The following CNTLN variants were observed in gnomAD, a reference collection of about 807,000 sequenced individuals.
The protein encoded by CNTLN is centlein.
In CNTLN, 212 loss-of-function variants were observed where a neutral mutation model predicts 180.0. The observed-to-expected ratio is 1.18, with a 90% CI of 1.05 to 1.32. The LOEUF (loss-of-function observed/expected upper bound fraction) is 1.32. CNTLN is among the 40% of genes most tolerant of loss of function. The pLI, the probability that CNTLN is intolerant of heterozygous loss-of-function variation, is 0.00. For missense variants in CNTLN, 2,095 were observed against 1,610.9 expected (o/e 1.30, Z -5.14); for synonymous variants, 722 against 563.1 (o/e 1.28, Z -3.99).
rs538043416 is a variant in CNTLN, at chr9:17,433,331, C to G, written c.3114+17142C>G. Among the ~76,000 whole-genome samples, 4 of 151,520 alleles carry G rather than the reference C, an allele frequency of 2.6e-5. No individual in the cohort carries two copies. In the East Asian group the frequency reaches 7.8e-4, roughly 30 times the overall value. ...ATGGAGTCTCGTTCTGTCGCCCAAG[C>G]TGGAGTGCAATGGCGCAATCTTGGC... On this transcript the variant is annotated intron_variant, in intron 18 of 25. Coordinates refer to ENST00000380647, the MANE Select transcript of CNTLN (RefSeq NM_017738.4).
At chr9:17,316,892 A>G (rs999513914) in intron 8 of CNTLN, among the ~76,000 whole-genome samples, 20 of 152,176 alleles carry the variant, frequency 1.3e-4, no homozygotes, top group African/African-American at 4.6e-4. Context: ...ATGTCAATAC[A>G]TAACATTGTT....
chr9:17,266,397 G>T (rs185859859), intron 5 of CNTLN, among the ~76,000 whole-genome samples: 1 of 152,272 alleles, frequency 6.6e-6, no homozygotes, highest in African/African-American at 2.4e-5. Flanking sequence ...ACTGTGGTCT[G>T]AGAGACAGTT....
At chr9:17,426,098 G>A (rs996066525) in intron 18 of CNTLN, among the ~76,000 whole-genome samples, 3 of 152,158 alleles carry the variant, frequency 2.0e-5, no homozygotes, top group Non-Finnish European at 2.9e-5. Flanking sequence ...AACAGAGATT[G>A]GATTATGCCA....
intron 2 of CNTLN, among the ~76,000 whole-genome samples, chr9:17,165,539 G>A (rs1373222360): frequency 1.3e-5 from 2 of 152,146 alleles, no homozygotes; most frequent in Non-Finnish European, 2.9e-5. Flanking sequence ...TTGGAGTGAA[G>A]GATGAGGCTA....
chr9:17,205,713 A>G (rs113679289), intron 2 of CNTLN, among the ~76,000 whole-genome samples: 338 of 152,342 alleles, frequency 2.2e-3, no homozygotes, highest in African/African-American at 7.8e-3. Context: ...CAATGGCAAC[A>G]AAACTAATGG....
chr9:17,501,800 G>T (rs1263694243), intron 25 of CNTLN, among the ~76,000 whole-genome samples: 1 of 152,170 alleles, frequency 6.6e-6, no homozygotes, highest in African/African-American at 2.4e-5. Flanking sequence ...AAGGATAAGA[G>T]AAATTTCTAG....
At chr9:17,377,688 T>C (rs141515310) in intron 13 of CNTLN, among the ~76,000 whole-genome samples, 110 of 152,342 alleles carry the variant, frequency 7.2e-4, no homozygotes, top group Non-Finnish European at 1.3e-3. Flanking sequence ...ATAATTTTAT[T>C]GGGTTACACC....
intron 23 of CNTLN, among the ~76,000 whole-genome samples, chr9:17,479,190 G>A (rs1234018655): frequency 1.3e-5 from 2 of 152,098 alleles, no homozygotes; most frequent in Non-Finnish European, 2.9e-5. Context: ...TCCCACTTCT[G>A]GGTATTTATC....
chr9:17,513,633 G>A, the CNTLN span, among the ~76,000 whole-genome samples: 1 of 152,122 alleles, frequency 6.6e-6, no homozygotes, highest in Non-Finnish European at 1.5e-5. Flanking sequence ...GGAGGTTGAG[G>A]CTGCAGTGAG....
intron 23 of CNTLN, among the ~76,000 whole-genome samples, chr9:17,475,344 G>C (rs936202317): frequency 1.3e-5 from 2 of 151,930 alleles, no homozygotes; most frequent in Non-Finnish European, 1.5e-5. Flanking sequence ...ACAATATGGG[G>C]TATGAGAAAC....
At chr9:17,363,704 T>C (rs1473935514) in intron 12 of CNTLN, among the ~76,000 whole-genome samples, 1 of 152,118 alleles carries the variant, frequency 6.6e-6, no homozygotes, top group Non-Finnish European at 1.5e-5. Flanking sequence ...GTTTTGTTGT[T>C]GAGAATGTTA....
In CNTLN at chr9:17,311,629, G is replaced by A. The variant is rs563105416; in HGVS notation, c.1341+2377G>A. Among the ~76,000 whole-genome samples the A allele has an allele frequency of 1.7e-4, 26 of 151,836 alleles. No homozygotes were observed. In the East Asian group the frequency reaches 5.0e-3, roughly 29 times the overall value. ...TAGAGACCATCCGGGCCAACCTGGT[G>A]AAAGCCCTTCCTCTACTAGAAATAC... is the stretch of plus-strand genomic sequence containing the variant. On this transcript the variant is annotated intron_variant, in intron 8 of 25. Coordinates refer to ENST00000380647, the MANE Select transcript of CNTLN (RefSeq NM_017738.4).
intron 12 of CNTLN, among the ~76,000 whole-genome samples, chr9:17,344,525 C>T (rs1170697903): frequency 6.6e-6 from 1 of 152,052 alleles, no homozygotes; most frequent in Non-Finnish European, 1.5e-5. Context: ...GTGTGATAGT[C>T]AGTCTGCTAG....
At chr9:17,334,775 G>A (rs1051870231) in intron 10 of CNTLN, among the ~76,000 whole-genome samples, 5 of 152,108 alleles carry the variant, frequency 3.3e-5, no homozygotes, top group Non-Finnish European at 5.9e-5. Flanking sequence ...AAAAGGAAGG[G>A]AGCAAGGGCT....
chr9:17,428,202 C>T (rs749172890), intron 18 of CNTLN, among the ~76,000 whole-genome samples: 2 of 152,016 alleles, frequency 1.3e-5, no homozygotes, highest in Non-Finnish European at 2.9e-5. Flanking sequence ...ATTAGGAGTC[C>T]TCTTGCACTT....
Position 17,484,332 on chromosome 9 carries a change from T to C in CNTLN, c.3893T>C (p.Val1298Ala). 1.2e-6 allele frequency: 2 copies of C among 1,608,514 alleles called. No individual in the cohort carries two copies. The highest frequency in any genetic ancestry group is 1.7e-6 in the Non-Finnish European group (2 of 1,178,484). The stretch of plus-strand genomic sequence containing the variant: ...GAGTTGCAAAATGATGTCCATGTGG[T>C]AAGGCGACAAATAAGAGAGCTTAAA... ...AKELQNDVHV[V>A]RRQIRELKKM... Residue 1298 changes from valine to alanine, a missense_variant, in exon 24 of 26, where the codon GTA becomes GCA. Coordinates refer to ENST00000380647, the MANE Select transcript of CNTLN (RefSeq NM_017738.4).
chr9:17,404,389 C>G (rs893164887), intron 15 of CNTLN, among the ~76,000 whole-genome samples: 5 of 151,578 alleles, frequency 3.3e-5, no homozygotes, highest in Non-Finnish European at 7.4e-5. Context: ...TGATCTTGGG[C>G]TAGGGGATTT....
At chr9:17,296,653 G>A (rs1444346392) in intron 6 of CNTLN, among the ~76,000 whole-genome samples, 1 of 152,062 alleles carries the variant, frequency 6.6e-6, no homozygotes, top group Non-Finnish European at 1.5e-5. Context: ...TGATTACTGT[G>A]GGTCTTTTTT....
intron 25 of CNTLN, among the ~76,000 whole-genome samples, chr9:17,499,591 A>G (rs928419120): frequency 1.3e-5 from 2 of 152,226 alleles, no homozygotes; most frequent in African/African-American, 4.8e-5. Flanking sequence ...AACTATTTGT[A>G]AAGCAGGAAG....
Sources: allele counts gnomAD v4.1 joint callset (sites outside exome capture counted in the v4.1 genomes callset), GRCh38; gene constraint gnomAD v4.1.1; transcripts MANE v1.5; gene names NCBI Gene and HGNC (gene_info 2026-07-23, HGNC 2026-07-21).